The following NNMT variants were observed in gnomAD, a reference collection of about 807,000 sequenced individuals.
NNMT encodes the protein nicotinamide N-methyltransferase.
NNMT carries 10 observed loss-of-function variants against 11.7 expected under a neutral mutation model. That is an observed-to-expected ratio of 0.85 (90% CI 0.53 to 1.45). NNMT has a LOEUF of 1.45. NNMT is among the 40% of genes most tolerant of loss of function. The probability of loss-of-function intolerance (pLI) is 0.00; values close to 1 mark genes in which losing one functional copy is unlikely to be tolerated. For missense variants in NNMT, 381 were observed against 319.4 expected (o/e 1.19, Z -1.47); for synonymous variants, 143 against 133.8 (o/e 1.07, Z -0.48).
chr11:114,296,352 C>A (rs942275324), upstream of NNMT: 19 of 553,572 alleles, frequency 3.4e-5, no homozygotes, highest in Non-Finnish European at 5.6e-5. Context: ...CCGGGAATTT[C>A]ATCATTTCCT....
At chr11:114,259,579 GCT>G (rs1945059264) in intron 1 of NNMT, among the ~76,000 whole-genome samples, 1 of 152,146 alleles carries the variant, frequency 6.6e-6, no homozygotes, top group South Asian at 2.1e-4. Context: ...CCATCCCCCA[GCT>G]CTCTGTGTGG....
At chr11:114,268,998 C>A (rs1945147242) in intron 2 of NNMT, among the ~76,000 whole-genome samples, 1 of 152,080 alleles carries the variant, frequency 6.6e-6, no homozygotes, top group Non-Finnish European at 1.5e-5. Context: ...TGAATTAGTT[C>A]ATTTAATCCT....
At chr11:114,284,764 CTTT>C (rs11415162) in intron 2 of NNMT, among the ~76,000 whole-genome samples, 2 of 90,370 alleles carry the variant, frequency 2.2e-5, no homozygotes, top group Non-Finnish European at 2.0e-5. Flanking sequence ...ACCCGGCCAT[CTTT>C]TTTTTTTTTT....
At chr11:114,283,745 C>T (rs1340341217) in intron 2 of NNMT, among the ~76,000 whole-genome samples, 1 of 152,046 alleles carries the variant, frequency 6.6e-6, no homozygotes, top group African/African-American at 2.4e-5. Context: ...ATTTAATAAG[C>T]ATTTTCTTTT....
At chr11:114,266,174 G>C (rs1305413882) in intron 2 of NNMT, among the ~76,000 whole-genome samples, 2 of 152,078 alleles carry the variant, frequency 1.3e-5, no homozygotes, top group African/African-American at 4.8e-5. Flanking sequence ...GTAATATCTT[G>C]CTACAAACGC....
In NNMT at chr11:114,298,089, T is replaced by G. The variant is rs753801496; in HGVS notation, c.293T>G (p.Leu98Arg). 1 of 1,614,170 alleles carries G rather than the reference T, an allele frequency of 6.2e-7. No homozygotes were observed. The highest frequency in any genetic ancestry group is 2.2e-5 in the East Asian group (1 of 44,872). ...DQNLQELEKW[L>R]KKEPEAFDWS... ...AACCTGCAGGAGCTGGAGAAGTGGC[T>G]GAAGAAAGAGCCAGAGGCCTTTGAC... The change falls in exon 2 of 3, where the codon CTG becomes CGG. Residue 98 changes from leucine to arginine, a missense_variant. Physicochemically the swap from Leu to Arg is moderately radical, Grantham distance 102. Transcript: ENST00000299964.
At chr11:114,274,509 T>A in intron 2 of NNMT, among the ~76,000 whole-genome samples, 1 of 152,208 alleles carries the variant, frequency 6.6e-6, no homozygotes, top group Non-Finnish European at 1.5e-5. Context: ...GAGTTCGGTG[T>A]TTGTTTTTGC....
intron 2 of NNMT, among the ~76,000 whole-genome samples, chr11:114,304,571 C>A (rs1157662776): frequency 2.0e-5 from 3 of 152,214 alleles, no homozygotes; most frequent in Non-Finnish European, 4.4e-5. Context: ...CAACCTACAA[C>A]CTATTTCCTT....
chr11:114,274,797 G>T (rs989629245), intron 2 of NNMT, among the ~76,000 whole-genome samples: 1 of 152,176 alleles, frequency 6.6e-6, no homozygotes, highest in African/African-American at 2.4e-5. Context: ...GCTTTTGATG[G>T]CAGGCAACCG....
At chr11:114,288,434 G>T (rs1278025251) in intron 2 of NNMT, among the ~76,000 whole-genome samples, 4 of 143,416 alleles carry the variant, frequency 2.8e-5, no homozygotes, top group African/African-American at 5.0e-5. Flanking sequence ...TAGAATTTAA[G>T]CTTTTTCTTT....
At chr11:114,288,441 CT>C (rs71063558) in intron 2 of NNMT, among the ~76,000 whole-genome samples, 36,718 of 144,256 alleles carry the variant, frequency 0.25, 4,769 homozygotes, top group South Asian at 0.45. Flanking sequence ...TAAGCTTTTT[CT>C]TTTTTTTTTT....
At chr11:114,265,542 G>T (rs184232867) in intron 2 of NNMT, among the ~76,000 whole-genome samples, 3 of 152,266 alleles carry the variant, frequency 2.0e-5, no homozygotes, top group Non-Finnish European at 4.4e-5. Context: ...ACCTCTGGGA[G>T]ATTATTCCTT....
chr11:114,306,566 T>C (rs901524884), intron 2 of NNMT, among the ~76,000 whole-genome samples: 2 of 152,236 alleles, frequency 1.3e-5, no homozygotes, highest in African/African-American at 2.4e-5. Context: ...TTTCTACATA[T>C]GGCTAGCCAG....
chr11:114,309,501 G>A (rs757667501), intron 2 of NNMT, among the ~76,000 whole-genome samples: 10 of 152,100 alleles, frequency 6.6e-5, no homozygotes, highest in Non-Finnish European at 1.2e-4. Context: ...ACCCAACCAA[G>A]GATAATTTTT....
In NNMT at chr11:114,258,054, C is replaced by T. The variant is rs575585324; in HGVS notation, c.-217+176C>T. ...CCCTCTCCTCCCTGCCTGGGGCAGG[C>T]GGCCCCACTGCCGCCCCCTGCCAGC... On this transcript the variant is annotated intron_variant, in intron 1 of 4. Coordinates refer to the NNMT transcript ENST00000535401. Among the ~76,000 whole-genome samples, 3 of 152,186 alleles carry T rather than the reference C, an allele frequency of 2.0e-5. 1 individual carries two copies. In the South Asian group the frequency reaches 6.2e-4, roughly 32 times the overall value.
intron 2 of NNMT, among the ~76,000 whole-genome samples, chr11:114,279,567 A>C (rs1945243434): frequency 6.6e-6 from 1 of 152,172 alleles, no homozygotes; most frequent in Admixed American, 6.5e-5. Flanking sequence ...TGTTAACCCC[A>C]TCCAAGGGGA....
intron 2 of NNMT, among the ~76,000 whole-genome samples, chr11:114,303,035 C>T (rs1265690701): frequency 3.3e-5 from 5 of 152,104 alleles, no homozygotes; most frequent in Admixed American, 2.6e-4. Context: ...TATGAGCCAC[C>T]CAGTCTATGG....
chr11:114,276,796 A>G (rs1207342219), intron 2 of NNMT, among the ~76,000 whole-genome samples: 1 of 152,202 alleles, frequency 6.6e-6, no homozygotes, highest in Non-Finnish European at 1.5e-5. Context: ...CTGCAGCCCT[A>G]CCCCATGAAA....
chr11:114,308,655 C>G (rs1274491090), intron 2 of NNMT, among the ~76,000 whole-genome samples: 1 of 152,126 alleles, frequency 6.6e-6, no homozygotes, highest in African/African-American at 2.4e-5. Flanking sequence ...TGTTAGCTTT[C>G]TGCAAAACAG....
Sources: gnomAD v4.1 joint callset for allele counts (sites outside exome capture counted in the v4.1 genomes callset) on GRCh38, gnomAD v4.1.1 for gene constraint, MANE v1.5 for transcripts, NCBI Gene and HGNC (gene_info 2026-07-23, HGNC 2026-07-21) for gene names.